TMEM132A: variants seen among roughly 807,000 people sequenced by gnomAD.
TMEM132A encodes the protein transmembrane protein 132A.
A neutral mutation model predicts 69.9 loss-of-function variants in TMEM132A; 48 were observed. The ratio of observed to expected loss-of-function variants is 0.69; its 90% CI spans 0.55 to 0.87. The LOEUF is 0.87. Ranked by LOEUF, TMEM132A falls within the 40% of genes least tolerant of loss-of-function variation. The pLI is 0.00. For missense variants in TMEM132A, 1,287 were observed against 1,407.2 expected (o/e 0.91, Z 1.37); for synonymous variants, 577 against 613.7 (o/e 0.94, Z 0.88).
Position 60,933,907 on chromosome 11 carries a change from G to A in TMEM132A, c.1559+163G>A, listed in dbSNP as rs1020489634. The A allele has an allele frequency of 1.7e-5, 11 of 642,922 alleles. No individual in the cohort carries two copies. In the South Asian group the frequency reaches 2.1e-4, roughly 12 times the overall value. 39.8% of individuals were successfully genotyped at this position (642,922 alleles called of 1,614,324 possible). A position where few individuals can be genotyped will look rare whatever the true frequency, so the allele number is the denominator to read the frequency against. On this transcript the variant is annotated intron_variant, in intron 8 of 10. Coordinates refer to ENST00000453848, the MANE Select transcript of TMEM132A (RefSeq NM_178031.3). ...ACCCTGGGCCGCCCAGCCAATGATC[G>A]CTTTCTGTGAAATTGCTGACTTCCG... is the stretch of plus-strand genomic sequence containing the variant.
In TMEM132A at chr11:60,927,689, G is replaced by A. The variant is rs1856377492; in HGVS notation, c.364G>A (p.Asp122Asn). The change falls in exon 3 of 11, where the codon GAC (aspartate) becomes AAC (asparagine). Residue 122 changes from aspartate to asparagine, a missense_variant. Transcript: ENST00000453848. ...GCCCCACCAACGGCCAGTCCCATGG[G>A]ACGTGCGGGCCGTTTCAGTGGAAGC... ...TEPHQRPVPW[D>N]VRAVSVEAAV... 1.2e-6 allele frequency: 2 copies of A among 1,613,470 alleles called. No homozygotes were observed. Among genetic ancestry groups the A allele is most frequent in the African/African-American group, 1.3e-5 (1 of 74,934 alleles).
chr11:60,930,714 G>A, intron 5 of TMEM132A, 55 bp downstream of exon 5: 1 of 1,516,826 alleles, frequency 6.6e-7, no homozygotes, highest in East Asian at 2.4e-5. Context: ...GTTATAGAGT[G>A]CAGTTGAGCA....
Position 60,935,996 on chromosome 11 carries a change from GGT to G in TMEM132A, c.2163_2164del (p.Ala722ProfsTer72). On this transcript the variant is annotated frameshift_variant, in exon 11 of 11. Transcript: ENST00000453848. LOFTEE classifies it low-confidence loss of function (END_TRUNC). This position sits in a 1 kb window ranked among gnomAD's most constrained non-coding sequence, Gnocchi z 5.0. ...PGAILPAEEQ[G>X]AQLGVVVSGA... ...TGCCATCCTGCCAGCTGAGGAGCAG[GGT>G]GCCCAGCTCGGGGTGGTGGTGAGTG... 1.2e-6 allele frequency: 2 copies of G among 1,609,610 alleles called. No homozygotes were observed. Among genetic ancestry groups the G allele is most frequent in the Non-Finnish European group, 1.7e-6 (2 of 1,179,476 alleles).
chr11:60,935,514 A>AGG lies in TMEM132A; in HGVS notation c.2028+72_2028+73dup. 1 of 1,466,788 alleles carries AGG rather than the reference A, an allele frequency of 6.8e-7. No homozygotes were observed. Among genetic ancestry groups the AGG allele is most frequent in the Non-Finnish European group, 9.2e-7 (1 of 1,081,318 alleles). The allele number at this position is 1,466,788 out of a possible 1,614,324, so 90.9% of individuals were successfully genotyped here. A position where few individuals can be genotyped will look rare whatever the true frequency, so the allele number is the denominator to read the frequency against. The stretch of plus-strand genomic sequence containing the variant: ...GGGGCTCATGGTAGAGGGGAATGGG[A>AGG]GGAAGGGACCCTGGTACCTCGACCC... On this transcript the variant is annotated intron_variant, in intron 10 of 10. Coordinates refer to ENST00000453848, the MANE Select transcript of TMEM132A (RefSeq NM_178031.3). This position sits in a 1 kb window ranked among gnomAD's most constrained non-coding sequence, Gnocchi z 5.0.
chr11:60,932,541 A>C (rs1483189357), intron 7 of TMEM132A: 1 of 161,364 alleles, frequency 6.2e-6, no homozygotes, highest in African/African-American at 2.4e-5. Flanking sequence ...GTAAGAATTA[A>C]AAGCACTTTA....
chr11:60,925,708 TCC>T (rs1418189950), intron 1 of TMEM132A: 3 of 152,138 alleles, frequency 2.0e-5, no homozygotes, highest in Non-Finnish European at 2.9e-5. Context: ...AGCCACCTGC[TCC>T]CCATCCCGAG....
Sources: gnomAD v4.1 joint callset for allele counts on GRCh38, gnomAD v4.1.1 for gene constraint, Gnocchi (gnomAD v3.1) non-coding constraint, MANE v1.5 for transcripts, NCBI Gene and HGNC (gene_info 2026-07-23, HGNC 2026-07-21) for gene names.